The following TRPM5 variants were observed in gnomAD, a reference collection of about 807,000 sequenced individuals.
The protein encoded by TRPM5 is transient receptor potential cation channel subfamily M member 5, also known as MLSN1 and TRP-related.
A neutral mutation model predicts 124.9 loss-of-function variants in TRPM5; 121 were observed. That is an observed-to-expected ratio of 0.97 (90% CI 0.84 to 1.13). The LOEUF (loss-of-function observed/expected upper bound fraction) is 1.13, where lower values mean the gene tolerates loss of function less well. TRPM5 is among the 50% of genes most tolerant of loss of function. The pLI, the probability that TRPM5 is intolerant of heterozygous loss-of-function variation, is 0.00. For synonymous variants in TRPM5, 781 were observed against 700.5 expected (o/e 1.11, Z -1.81); for missense variants, 1,643 against 1,589.1 (o/e 1.03, Z -0.58).
chr11:2,411,621 C>CAGGG lies in TRPM5; in HGVS notation c.2607+13_2607+14insCCCT. ...GTCCCTCCAGGGCCAGGGCCAGGGC[C>CAGGG]CCCGGGGGCTCACCATGCGCTCTAC... On this transcript the variant is annotated intron_variant, in intron 17 of 23. Coordinates refer to ENST00000155858, the Ensembl canonical transcript of TRPM5. 6.2e-7 allele frequency: 1 copy of CAGGG among 1,611,956 alleles called. No homozygotes were observed. Among genetic ancestry groups the CAGGG allele is most frequent in the Non-Finnish European group, 8.5e-7 (1 of 1,179,494 alleles).
chr11:2,421,817 C>T lies in TRPM5; in HGVS notation c.298+324G>A, dbSNP rs114006913. ...GGACATCTCATGGCGGCCCATGGGC[C>T]CTGCTAGTGGAGGGGGCAGCTCTAA... On this transcript the variant is annotated intron_variant, in intron 2 of 23. Transcript: ENST00000155858. Among the ~76,000 whole-genome samples, 336 of 152,260 alleles carry T rather than the reference C, an allele frequency of 2.2e-3. 1 individual carries two copies. Among genetic ancestry groups the T allele is most frequent in the African/African-American group, 7.7e-3 (320 of 41,548 alleles).
chr11:2,422,378 G>A lies in TRPM5; in HGVS notation c.118-57C>T, dbSNP rs1445740801. ...GGGGCACGGGGCATGGGAGCTGCTG[G>A]GCATTGGGGGGGGCTGGACACAAGG... On this transcript the variant is annotated intron_variant, in intron 1 of 23. Transcript: ENST00000155858. 3.4e-6 allele frequency: 5 copies of A among 1,483,060 alleles called. No homozygotes were observed. The East Asian group carries it at 9.5e-5, about 28-fold the overall frequency. 91.9% of individuals were successfully genotyped at this position (1,483,060 alleles called of 1,614,324 possible).
the TRPM5 span, among the ~76,000 whole-genome samples, chr11:2,436,647 G>A: frequency 1.2e-4 from 19 of 152,206 alleles, no homozygotes; most frequent in Non-Finnish European, 2.6e-4. Context: ...GAAGCTTGGC[G>A]GCCAGTGACG....
In TRPM5 at chr11:2,420,829, G is replaced by A. The variant is rs190816599; in HGVS notation, c.465+203C>T. On this transcript the variant is annotated intron_variant, in intron 3 of 23. Transcript: ENST00000155858. ...GGCCTGGGCCCGTGTGGTACAGGAGGGGGTGAGGGCCCGCGCCACAGTCTA... is the reference window on the plus strand; with the variant it reads ...GGCCTGGGCCCGTGTGGTACAGGAGAGGGTGAGGGCCCGCGCCACAGTCTA... Among the ~76,000 whole-genome samples, 358 of 152,290 alleles carry A rather than the reference G, an allele frequency of 2.4e-3. 3 individuals are homozygous for A. The highest frequency in any genetic ancestry group is 7.8e-3 in the African/African-American group (326 of 41,568).
intron 16 of TRPM5, 110 bp downstream of exon 21, chr11:2,412,025 C>G (rs1490461074): frequency 4.8e-6 from 5 of 1,040,250 alleles, no homozygotes; most frequent in Middle Eastern, 2.9e-4. Flanking sequence ...CCTCAGCCTC[C>G]TGAGTAGCTG....
exon 24 of TRPM5, chr11:2,404,872 C>T (rs907244442): frequency 1.5e-5 from 21 of 1,403,836 alleles, no homozygotes; most frequent in Non-Finnish European, 2.0e-5. Context: ...CGGCAAAGGT[C>T]AGTGCACAAC....
intron 4 of TRPM5, among the ~76,000 whole-genome samples, chr11:2,419,458 A>G (rs1845734712): frequency 6.6e-6 from 1 of 151,852 alleles, no homozygotes; most frequent in South Asian, 2.1e-4. Context: ...GAAAAAAAAA[A>G]AAAAAAAAAG....
chr11:2,405,300 A>G (rs1850292755), intron 23 of TRPM5, among the ~76,000 whole-genome samples: 1 of 152,236 alleles, frequency 6.6e-6, no homozygotes, highest in Non-Finnish European at 1.5e-5. Flanking sequence ...GGCCCACGCC[A>G]GGCAGAGCCT....
intron 18 of TRPM5, among the ~76,000 whole-genome samples, chr11:2,411,072 C>A (rs1031237304): frequency 2.6e-5 from 4 of 152,168 alleles, no homozygotes; most frequent in Non-Finnish European, 5.9e-5. Flanking sequence ...GGAGGCAGCC[C>A]TGGCTGCCTT....
At chr11:2,415,191 A>G in exon 9 of TRPM5, 7 of 1,583,912 alleles carry the variant, frequency 4.4e-6, no homozygotes, top group Non-Finnish European at 6.0e-6. Flanking sequence ...GAAGTCCTTG[A>G]GTACGCGGGA....
upstream of TRPM5, among the ~76,000 whole-genome samples, chr11:2,423,818 G>A (rs1845807258): frequency 1.3e-5 from 2 of 152,154 alleles, no homozygotes; most frequent in African/African-American, 2.4e-5. Context: ...TCCAAGGATC[G>A]GCACTGGCCC....
chr11:2,432,341 G>A, the TRPM5 span, among the ~76,000 whole-genome samples: 1 of 152,206 alleles, frequency 6.6e-6, no homozygotes, highest in Non-Finnish European at 1.5e-5. Context: ...TTGGAGGAGA[G>A]GCCACGCCAG....
upstream of TRPM5, among the ~76,000 whole-genome samples, chr11:2,424,682 G>A (rs1212250409): frequency 2.6e-5 from 4 of 152,366 alleles, no homozygotes; most frequent in African/African-American, 9.6e-5. Context: ...GAAGAGGCAG[G>A]AAGGATCCCC....
the TRPM5 span, among the ~76,000 whole-genome samples, chr11:2,434,396 A>C: frequency 2.4e-5 from 3 of 124,064 alleles, no homozygotes; most frequent in East Asian, 7.7e-4. Flanking sequence ...TGTTTGTGAG[A>C]GTGTGTGTGT....
At chr11:2,421,037 C>T (rs1349336991) in exon 3 of TRPM5, 6 of 1,541,166 alleles carry the variant, frequency 3.9e-6, no homozygotes, top group Non-Finnish European at 5.2e-6. Context: ...TGCACCTGGG[C>T]CTCCTCCAGA....
At position 2,407,211 on chromosome 11, in the gene TRPM5, G is replaced by A. The variant is rs1382139834; in HGVS notation, c.3026C>T (p.Ala1009Val). The change falls in exon 20 of 24, where the codon GCC becomes GTC. Residue 1009 changes from alanine (A) to valine (V), a missense_variant. Coordinates refer to ENST00000155858, the Ensembl canonical transcript of TRPM5. Reference sequence around the variant, plus strand: ...GAGCAGGATGAAGGGCGGGGCCAGGGCGGGGCGCTCGTGGTACTCCACAAT... The same window carrying A: ...GAGCAGGATGAAGGGCGGGGCCAGGACGGGGCGCTCGTGGTACTCCACAAT... 1.9e-6 allele frequency: 3 copies of A among 1,611,728 alleles called. No individual in the cohort carries two copies. The highest frequency in any genetic ancestry group is 2.5e-6 in the Non-Finnish European group (3 of 1,179,578).
intron 8 of TRPM5, 35 bp from the exon 14 acceptor site, chr11:2,415,506 A>G (rs752138180): frequency 7.1e-7 from 1 of 1,416,940 alleles, no homozygotes; most frequent in East Asian, 2.4e-5. Context: ...GAAGGGGGAC[A>G]AGAGAGTGAG....
chr11:2,404,946 C>T (rs145420593), exon 24 of TRPM5: 63 of 1,611,992 alleles, frequency 3.9e-5, no homozygotes, highest in East Asian at 3.6e-4. Flanking sequence ...CTCAGGTGTC[C>T]GAGGGAGGCT....
intron 22 of TRPM5, 84 bp from the exon 28 acceptor site, chr11:2,405,677 T>G (rs1589864288): frequency 2.1e-6 from 3 of 1,435,812 alleles, no homozygotes. Flanking sequence ...TCCCCTCTCC[T>G]GCCAGGGCCC....
Sources: gnomAD v4.1 joint callset for allele counts (sites outside exome capture counted in the v4.1 genomes callset) on GRCh38, gnomAD v4.1.1 for gene constraint, MANE v1.5 for transcripts, NCBI Gene and HGNC (gene_info 2026-07-23, HGNC 2026-07-21) for gene names.